Variants in SHANK2 observed in about 807,000 individuals in gnomAD.
The protein encoded by SHANK2 is SH3 and multiple ankyrin repeat domains 2.
In SHANK2, 43 loss-of-function variants were observed where a neutral mutation model predicts 133.7. That is an observed-to-expected ratio of 0.32 (90% CI 0.25 to 0.41). SHANK2 has a LOEUF of 0.41. Ranked by LOEUF, SHANK2 falls within the 10% of genes least tolerant of loss-of-function variation. The probability of loss-of-function intolerance (pLI) is 1.00; values close to 1 mark genes in which losing one functional copy is unlikely to be tolerated. For synonymous variants in SHANK2, 1,017 were observed against 952.8 expected, an observed-to-expected ratio of 1.07 and a Z score of -1.24; for missense variants, 1,994 against 2,235.8, an observed-to-expected ratio of 0.89 and a Z score of 2.18.
chr11:70,535,665 C>T lies in SHANK2; in HGVS notation c.2062-32734G>A, dbSNP rs568122548. On this transcript the variant is annotated intron_variant, in intron 17 of 25. Coordinates refer to ENST00000601538, the MANE Select transcript of SHANK2 (RefSeq NM_012309.5). This position sits in a 1 kb window ranked among gnomAD's most constrained non-coding sequence, Gnocchi z 4.3. ...CTGGGGAATGAATAACTCCTGGCCCCGCCTTTAAGGGCTGCACAGTTGGGC... is the reference window on the plus strand; with the variant it reads ...CTGGGGAATGAATAACTCCTGGCCCTGCCTTTAAGGGCTGCACAGTTGGGC... Among the ~76,000 whole-genome samples the T allele has an allele frequency of 1.1e-4, 17 of 152,358 alleles. No individual in the cohort carries two copies. Among genetic ancestry groups the T allele is most frequent in the South Asian group, 4.1e-4 (2 of 4,832 alleles).
chr11:70,501,886 G>C (rs1555158591), intron 20 of SHANK2, 37 bp downstream of exon 20: 2 of 1,556,200 alleles, frequency 1.3e-6, no homozygotes, highest in Non-Finnish European at 1.7e-6. Context: ...CTAGACAGCA[G>C]GGGGAGCTGC....
intron 17 of SHANK2, among the ~76,000 whole-genome samples, chr11:70,636,793 CGT>C (rs1232339607): frequency 2.6e-5 from 4 of 151,590 alleles, no homozygotes; most frequent in African/African-American, 9.7e-5. Flanking sequence ...CATGTGTGAG[CGT>C]GTGTGTGAAC....
chr11:70,879,844 AGGG>A (rs1949630936), intron 11 of SHANK2, among the ~76,000 whole-genome samples: 1 of 152,174 alleles, frequency 6.6e-6, no homozygotes, highest in African/African-American at 2.4e-5. Context: ...CTGGAGAGCC[AGGG>A]ACTCCCCAGG....
chr11:70,519,391 C>A (rs367986672), intron 17 of SHANK2, among the ~76,000 whole-genome samples: 1 of 152,266 alleles, frequency 6.6e-6, no homozygotes, highest in South Asian at 2.1e-4. Flanking sequence ...TGGTGGCTCA[C>A]GCCTGTAATC....
At chr11:70,749,949 C>T (rs1398615919) in intron 14 of SHANK2, among the ~76,000 whole-genome samples, 2 of 152,208 alleles carry the variant, frequency 1.3e-5, no homozygotes, top group African/African-American at 2.4e-5. Flanking sequence ...AAACAAACTT[C>T]TCAAATTTGA....
At chr11:71,159,121 C>T (rs1295193757) in intron 2 of SHANK2, among the ~76,000 whole-genome samples, 1 of 152,234 alleles carries the variant, frequency 6.6e-6, no homozygotes, top group African/African-American at 2.4e-5. Flanking sequence ...CAGCAATGTA[C>T]TCTCATCACG....
intron 17 of SHANK2, among the ~76,000 whole-genome samples, chr11:70,522,653 G>A (rs557394557): frequency 2.4e-4 from 37 of 152,322 alleles, no homozygotes; most frequent in African/African-American, 7.7e-4. Flanking sequence ...CTCCAGCTCC[G>A]CGGGCTGGCC....
At position 71,252,061 on chromosome 11, in the gene SHANK2, A is replaced by C. The variant is rs1555125934; in HGVS notation, c.-113+364T>G. 6.6e-6 allele frequency among the ~76,000 whole-genome samples: 1 copy of C among 152,058 alleles called. No individual in the cohort carries two copies. The highest frequency in any genetic ancestry group is 1.5e-5 in the Non-Finnish European group (1 of 67,996). ...GGTCGCGCCACACGCGCTGTTCCAGAGGAAGGGGCAGGACGCGCCAGAGAC... is the reference window on the plus strand; with the variant it reads ...GGTCGCGCCACACGCGCTGTTCCAGCGGAAGGGGCAGGACGCGCCAGAGAC... On this transcript the variant is annotated intron_variant, in intron 1 of 25. Transcript: ENST00000601538. The surrounding 1 kb of genome is among the most constrained non-coding windows in gnomAD (Gnocchi z 6.3).
At chr11:70,606,666 G>T (rs10219267) in intron 17 of SHANK2, among the ~76,000 whole-genome samples, 1 of 151,922 alleles carries the variant, frequency 6.6e-6, no homozygotes, top group Non-Finnish European at 1.5e-5. Context: ...GTGTCTTTGA[G>T]GGCCTGTGGT....
intron 10 of SHANK2, among the ~76,000 whole-genome samples, chr11:70,905,899 C>T (rs1363002481): frequency 6.6e-6 from 1 of 151,384 alleles, no homozygotes; most frequent in Non-Finnish European, 1.5e-5. Flanking sequence ...GCAGCCTCTG[C>T]CTCCTGGGTT....
chr11:70,653,608 T>C (rs1344631008), intron 17 of SHANK2, among the ~76,000 whole-genome samples: 3 of 147,586 alleles, frequency 2.0e-5, no homozygotes, highest in Non-Finnish European at 4.5e-5. Context: ...ATGAAGTCCA[T>C]ATTCAGCATG....
intron 17 of SHANK2, among the ~76,000 whole-genome samples, chr11:70,637,862 A>G (rs2061126339): frequency 6.6e-6 from 1 of 152,172 alleles, no homozygotes; most frequent in African/African-American, 2.4e-5. Flanking sequence ...GAGTCTACCC[A>G]GTGACGGGGC....
chr11:70,803,738 G>C (rs1162014056), intron 13 of SHANK2, among the ~76,000 whole-genome samples: 1 of 151,094 alleles, frequency 6.6e-6, no homozygotes, highest in Non-Finnish European at 1.5e-5. Flanking sequence ...GCTGGATCTC[G>C]CATAAAGAAC....
At chr11:70,774,733 T>A (rs1263683728) in intron 14 of SHANK2, among the ~76,000 whole-genome samples, 4 of 152,184 alleles carry the variant, frequency 2.6e-5, no homozygotes, top group African/African-American at 9.7e-5. Flanking sequence ...AATGGTGCAC[T>A]TTAAAACAGT....
At position 70,826,492 on chromosome 11, in the gene SHANK2, C is replaced by T. The variant is rs146204677; in HGVS notation, c.1175-5810G>A. 1,448 of 471,134 alleles carry T rather than the reference C, an allele frequency of 3.1e-3. 8 individuals carry two copies. Among genetic ancestry groups the T allele is most frequent in the Middle Eastern group, 0.019 (57 of 3,078 alleles). 29.2% of individuals were successfully genotyped at this position (471,134 alleles called of 1,614,324 possible). On this transcript the variant is annotated intron_variant, in intron 11 of 25. Coordinates refer to ENST00000601538, the MANE Select transcript of SHANK2 (RefSeq NM_012309.5). ...CTTCCTTCTTGGTGAAGGCATTTAA[C>T]AAAGACTTCATTTTCCCTCTGACTT...
At chr11:70,885,610 T>C (rs671803) in intron 11 of SHANK2, among the ~76,000 whole-genome samples, 139,259 of 152,204 alleles carry the variant, frequency 0.91, 64,421 homozygotes, top group Non-Finnish European at 0.98. Flanking sequence ...CAGAACGTGG[T>C]AACGAACATC....
intron 12 of SHANK2, among the ~76,000 whole-genome samples, chr11:70,810,930 C>A (rs951951832): frequency 6.6e-6 from 1 of 152,116 alleles, no homozygotes; most frequent in Non-Finnish European, 1.5e-5. Flanking sequence ...GCGACATGGG[C>A]GATTGGAGGA....
At chr11:70,667,545 G>A (rs1490533141) in intron 15 of SHANK2, among the ~76,000 whole-genome samples, 1 of 152,136 alleles carries the variant, frequency 6.6e-6, no homozygotes, top group Non-Finnish European at 1.5e-5. Flanking sequence ...GCAGTGGCCC[G>A]GGTTCCCTTT....
At chr11:70,539,467 T>C (rs2059586144) in intron 17 of SHANK2, among the ~76,000 whole-genome samples, 1 of 89,520 alleles carries the variant, frequency 1.1e-5, no homozygotes, top group Non-Finnish European at 2.4e-5. Flanking sequence ...GTCTGGGGGG[T>C]TTAGGGCACA....
Sources: gnomAD v4.1 joint callset for allele counts (sites outside exome capture counted in the v4.1 genomes callset) on GRCh38, gnomAD v4.1.1 for gene constraint, Gnocchi (gnomAD v3.1) non-coding constraint, MANE v1.5 for transcripts, NCBI Gene and HGNC (gene_info 2026-07-23, HGNC 2026-07-21) for gene names.